The following RIN3 variants were observed in gnomAD, a reference collection of about 807,000 sequenced individuals.
The protein encoded by RIN3 is RAB5 interacting protein 3.
In RIN3, 54 loss-of-function variants were observed where a neutral mutation model predicts 76.3. The ratio of observed to expected loss-of-function variants is 0.71; its 90% CI spans 0.57 to 0.89. RIN3 has a LOEUF of 0.89. Among genes scored for constraint, RIN3 ranks in the 40% least tolerant of loss-of-function variants. The pLI is 0.00. For synonymous variants in RIN3, 576 were observed against 564.0 expected, an observed-to-expected ratio of 1.02 and a Z score of -0.30; for missense variants, 1,256 against 1,322.1, an observed-to-expected ratio of 0.95 and a Z score of 0.78.
chr14:92,616,863 A>G (rs554968951), intron 4 of RIN3, among the ~76,000 whole-genome samples: 28 of 152,336 alleles, frequency 1.8e-4, no homozygotes, highest in Middle Eastern at 3.4e-3. Flanking sequence ...AGAGATTTGC[A>G]GGAGAAAAGA....
rs539366204 is a variant in RIN3 at position 92,643,317 on chromosome 14, G to T, written c.532+1988G>T. 6.6e-6 allele frequency among the ~76,000 whole-genome samples: 1 copy of T among 152,300 alleles called. No individual in the cohort carries two copies. The highest frequency in any genetic ancestry group is 1.9e-4 in the East Asian group (1 of 5,176). On this transcript the variant is annotated intron_variant, in intron 5 of 9. Coordinates refer to ENST00000216487, the MANE Select transcript of RIN3 (RefSeq NM_024832.5). This position sits in a 1 kb window ranked among gnomAD's most constrained non-coding sequence, Gnocchi z 4.8. ...TCCACCCACCTCGGCCTCCCAAAGT[G>T]CTGGGATTACAGGCGTGAGCCACCA...
intron 2 of RIN3, among the ~76,000 whole-genome samples, chr14:92,564,691 C>A (rs1455594229): frequency 2.0e-5 from 3 of 152,132 alleles, no homozygotes; most frequent in African/African-American, 7.2e-5. Context: ...CCTAAATCAT[C>A]AAAGAAAATC....
intron 4 of RIN3, among the ~76,000 whole-genome samples, chr14:92,621,453 G>C (rs1886180307): frequency 6.6e-6 from 1 of 152,100 alleles, no homozygotes; most frequent in African/African-American, 2.4e-5. Flanking sequence ...ATAGATTTTA[G>C]GGAGGCATGA....
At chr14:92,566,000 T>C (rs1411506793) in intron 2 of RIN3, among the ~76,000 whole-genome samples, 1 of 152,232 alleles carries the variant, frequency 6.6e-6, no homozygotes, top group Non-Finnish European at 1.5e-5. Flanking sequence ...AAGTATGACA[T>C]ATTGACTGCT....
chr14:92,673,912 G>T (rs7153095), intron 7 of RIN3, among the ~76,000 whole-genome samples: 45,246 of 152,102 alleles, frequency 0.3, 7,408 homozygotes, highest in Non-Finnish European at 0.36. Flanking sequence ...GCCCACATAC[G>T]TTTGTGACGG....
chr14:92,570,268 G>A (rs898033621), intron 2 of RIN3, among the ~76,000 whole-genome samples: 11 of 152,252 alleles, frequency 7.2e-5, no homozygotes, highest in South Asian at 2.1e-4. Flanking sequence ...TTCTTTCCAC[G>A]TCCTGCTCAG....
At chr14:92,517,794 C>T (rs1896482326) in intron 1 of RIN3, among the ~76,000 whole-genome samples, 1 of 152,232 alleles carries the variant, frequency 6.6e-6, no homozygotes, top group Admixed American at 6.5e-5. Flanking sequence ...GATCTCCCCT[C>T]CGTCCTACCC....
At chr14:92,618,882 C>A (rs761248102) in intron 4 of RIN3, among the ~76,000 whole-genome samples, 2 of 152,194 alleles carry the variant, frequency 1.3e-5, no homozygotes, top group African/African-American at 2.4e-5. Flanking sequence ...TCAGGAAGGA[C>A]AAGGTGGCCA....
At chr14:92,605,505 A>G (rs1014515035) in intron 3 of RIN3, among the ~76,000 whole-genome samples, 5 of 152,266 alleles carry the variant, frequency 3.3e-5, no homozygotes, top group African/African-American at 1.2e-4. Flanking sequence ...CCATGCTTTC[A>G]TATCATGATC....
At chr14:92,594,967 G>A (rs1885104498) in intron 3 of RIN3, among the ~76,000 whole-genome samples, 2 of 152,226 alleles carry the variant, frequency 1.3e-5, no homozygotes, top group South Asian at 2.1e-4. Flanking sequence ...GGATTATATT[G>A]TTGTTATGAG....
At chr14:92,653,171 C>A (rs1887538456) in intron 6 of RIN3, 96 bp downstream of exon 6, 2 of 1,293,048 alleles carry the variant, frequency 1.5e-6, no homozygotes, top group African/African-American at 1.5e-5. Flanking sequence ...GCAGTGGACG[C>A]TGTTGGTGCC....
chr14:92,515,087 G>A (rs1421462698), intron 1 of RIN3: 4 of 584,690 alleles, frequency 6.8e-6, no homozygotes, highest in African/African-American at 3.8e-5. Flanking sequence ...CACTCAGCTG[G>A]GAGGGACTGG....
At chr14:92,682,166 C>T (rs1032736423) in intron 8 of RIN3, among the ~76,000 whole-genome samples, 3 of 152,164 alleles carry the variant, frequency 2.0e-5, no homozygotes, top group Non-Finnish European at 4.4e-5. Context: ...AGATTACAGG[C>T]GTGAGCCACC....
At chr14:92,554,892 C>T (rs1327872909) in intron 1 of RIN3, among the ~76,000 whole-genome samples, 1 of 152,194 alleles carries the variant, frequency 6.6e-6, no homozygotes, top group Admixed American at 6.5e-5. Context: ...CACTGCATTC[C>T]AGCCTGGGCG....
intron 4 of RIN3, among the ~76,000 whole-genome samples, chr14:92,640,927 T>G (rs950397849): frequency 5.3e-5 from 8 of 152,106 alleles, no homozygotes; most frequent in Non-Finnish European, 7.4e-5. Flanking sequence ...GCCACTCACT[T>G]TACCCTAAAG....
intron 2 of RIN3, among the ~76,000 whole-genome samples, chr14:92,556,631 G>C (rs1477292691): frequency 1.3e-5 from 2 of 151,554 alleles, no homozygotes; most frequent in Non-Finnish European, 2.9e-5. Flanking sequence ...CAACAGATAA[G>C]TGGGTGATAG....
At chr14:92,615,748 G>A in intron 4 of RIN3, 1 of 463,240 alleles carries the variant, frequency 2.2e-6, no homozygotes, top group East Asian at 4.0e-5. Context: ...TCAGCTTCAA[G>A]GACAGCCTGG....
chr14:92,596,616 C>G (rs781569934), intron 3 of RIN3, among the ~76,000 whole-genome samples: 2 of 152,162 alleles, frequency 1.3e-5, no homozygotes, highest in Non-Finnish European at 2.9e-5. Context: ...CTTATCCGTT[C>G]CTCTTTTAGC....
intron 1 of RIN3, among the ~76,000 whole-genome samples, chr14:92,533,587 G>T (rs760558999): frequency 2.6e-5 from 4 of 152,156 alleles, no homozygotes; most frequent in Non-Finnish European, 5.9e-5. Context: ...TGGAACTGGA[G>T]ACCATTATTC....
Sources: gnomAD v4.1 joint callset for allele counts (sites outside exome capture counted in the v4.1 genomes callset) on GRCh38, gnomAD v4.1.1 for gene constraint, Gnocchi (gnomAD v3.1) non-coding constraint, MANE v1.5 for transcripts, NCBI Gene and HGNC (gene_info 2026-07-23, HGNC 2026-07-21) for gene names.